NBPF14: variants seen among roughly 807,000 people sequenced by gnomAD.
NBPF14 encodes NBPF family member NBPF14.
In NBPF14, 104 loss-of-function variants were observed where a neutral mutation model predicts 91.2. The observed-to-expected ratio is 1.14, with a 90% CI of 0.97 to 1.34. NBPF14 has a LOEUF of 1.34. Ranked by LOEUF, NBPF14 falls within the 40% of genes most tolerant of loss-of-function variation. The pLI, the probability that NBPF14 is intolerant of heterozygous loss-of-function variation, is 0.00. For missense variants in NBPF14, 908 were observed against 783.0 expected (o/e 1.16, Z -1.91); for synonymous variants, 294 against 303.8 (o/e 0.97, Z 0.34).
At chr1:148,576,017 G>A (rs1659639740) in intron 16 of NBPF14, among the ~76,000 whole-genome samples, 2 of 147,826 alleles carry the variant, frequency 1.4e-5, no homozygotes, top group Admixed American at 1.3e-4. Context: ...GAGGGAGAGA[G>A]AGAGAGAGAG....
In NBPF14 at chr1:148,592,623, C is replaced by A. The variant is rs1454103895; in HGVS notation, c.422G>T (p.Gly141Val). Residue 141 changes from glycine to valine, a missense_variant, in exon 4 of 71, where the codon GGG becomes GTG. Gly to Val is a moderately radical substitution (Grantham distance 109, BLOSUM62 -3). Coordinates refer to ENST00000619423, the Ensembl canonical transcript of NBPF14. ...AGCCAGCTGTTCTTGGAGGTCCTGC[C>A]CCTGGGACTTGTCCGGCTCATACGG... is the stretch of plus-strand genomic sequence containing the variant. The A allele has an allele frequency of 2.9e-5, 46 of 1,580,938 alleles. 1 individual carries two copies. The East Asian group carries it at 8.9e-4, about 31-fold the overall frequency.
rs1474364088 is a variant in NBPF14 at position 148,539,260 on chromosome 1, A to G, written c.7882+150T>C. The G allele has an allele frequency of 2.0e-4, 121 of 604,724 alleles. No individual in the cohort carries two copies. The East Asian group carries it at 4.1e-3, about 21-fold the overall frequency. The allele number at this position is 604,724 out of a possible 1,614,324, so 37.5% of individuals were successfully genotyped here. A position where few individuals can be genotyped will look rare whatever the true frequency, so the allele number is the denominator to read the frequency against. Reference sequence around the variant, plus strand: ...TTTCATGTCTAGGCTTCCAACTGAGACTACAGTTTCTTTACAACCTATATG... The same window carrying G: ...TTTCATGTCTAGGCTTCCAACTGAGGCTACAGTTTCTTTACAACCTATATG... On this transcript the variant is annotated intron_variant, in intron 63 of 70. Transcript: ENST00000619423.
chr1:148,566,539 AC>A (rs1658402049), intron 28 of NBPF14, among the ~76,000 whole-genome samples: 8,051 of 121,414 alleles, frequency 0.066, 363 homozygotes, highest in Middle Eastern at 0.15. Flanking sequence ...ACACACACAC[AC>A]AAACACACAC....
chr1:148,566,502 A>C lies in NBPF14; in HGVS notation c.3543-187T>G. Among the ~76,000 whole-genome samples the C allele has an allele frequency of 2.6e-5, 3 of 115,870 alleles. 1 individual carries two copies. Among genetic ancestry groups the C allele is most frequent in the Admixed American group, 8.2e-5 (1 of 12,210 alleles). The allele number at this position is 115,870 out of a possible 152,430, so 76.0% of individuals were successfully genotyped here. On this transcript the variant is annotated intron_variant, in intron 28 of 70. Transcript: ENST00000619423. ...GCCAAATGGAAAAGAATGAAAGAGAAAGACAGACACACACACACACACACA... is the reference window on the plus strand; with the variant it reads ...GCCAAATGGAAAAGAATGAAAGAGACAGACAGACACACACACACACACACA...
chr1:148,557,125 G>C (rs1311157517), intron 40 of NBPF14, among the ~76,000 whole-genome samples: 5 of 123,656 alleles, frequency 4.0e-5, no homozygotes, highest in Non-Finnish European at 7.9e-5. Context: ...AATTGTCCAG[G>C]TGACACACTG....
intron 70 of NBPF14, 100 bp downstream of exon 70, chr1:148,533,761 C>A (rs1314555095): frequency 1.3e-5 from 10 of 761,276 alleles, no homozygotes; most frequent in Middle Eastern, 3.6e-4. Context: ...GTAATTCAGC[C>A]TTTGTTGAAA....
At chr1:148,593,922 G>A (rs1185187592) in intron 2 of NBPF14, among the ~76,000 whole-genome samples, 1 of 149,920 alleles carries the variant, frequency 6.7e-6, no homozygotes, top group East Asian at 1.9e-4. Context: ...GGCACATCAA[G>A]GAAGTTGACA....
exon 69 of NBPF14, chr1:148,534,699 C>T (rs1348454216): frequency 4.8e-6 from 4 of 831,724 alleles, no homozygotes; most frequent in Non-Finnish European, 8.4e-6. Context: ...ACGTCAAGAG[C>T]CAAGCCAAGG....
intron 2 of NBPF14, among the ~76,000 whole-genome samples, chr1:148,594,924 C>T (rs1228094794): frequency 1.8e-5 from 2 of 111,938 alleles, no homozygotes; most frequent in Non-Finnish European, 3.5e-5. Context: ...TCTCAAACTG[C>T]TGACCTCGTG....
At chr1:148,566,463 T>A in intron 28 of NBPF14, 148 bp from the exon 29 acceptor site, 1 of 600,200 alleles carries the variant, frequency 1.7e-6, no homozygotes, top group East Asian at 3.0e-5. Flanking sequence ...GCCTTCATGT[T>A]GGGACAGAAC....
intron 4 of NBPF14, 106 bp from the exon 5 acceptor site, chr1:148,591,610 G>C: frequency 2.1e-6 from 3 of 1,460,054 alleles, no homozygotes; most frequent in Non-Finnish European, 2.8e-6. Flanking sequence ...GTTCAGCATT[G>C]TACTGAAAAC....
intron 14 of NBPF14, among the ~76,000 whole-genome samples, 156 bp downstream of exon 14, chr1:148,577,827 A>G (rs1426003415): frequency 7.3e-6 from 1 of 137,382 alleles, no homozygotes; most frequent in African/African-American, 2.9e-5. Context: ...AAACCTAAAC[A>G]TTTACTCTAA....
At chr1:148,532,477 G>A (rs1257269306) in exon 71 of NBPF14, 1 of 151,404 alleles carries the variant, frequency 6.6e-6, no homozygotes, top group African/African-American at 2.5e-5. Flanking sequence ...CTAACCAAAG[G>A]AGTCTAGCGG....
chr1:148,557,079 C>G (rs1267596658), intron 40 of NBPF14, among the ~76,000 whole-genome samples: 1 of 125,322 alleles, frequency 8.0e-6, no homozygotes. Context: ...CACACACACA[C>G]ACACACACAG....
intron 20 of NBPF14, 115 bp from the exon 21 acceptor site, chr1:148,572,730 A>G (rs1659299821): frequency 5.0e-6 from 3 of 602,930 alleles, no homozygotes; most frequent in East Asian, 5.8e-5. Flanking sequence ...GGACAGATCC[A>G]TTAATGAGGT....
At chr1:148,569,147 C>T in intron 25 of NBPF14, 108 bp downstream of exon 25, 3 of 219,432 alleles carry the variant, frequency 1.4e-5, no homozygotes, top group Non-Finnish European at 2.1e-5. Flanking sequence ...ATAGTTCCTC[C>T]CTGTGGCAAT....
chr1:148,532,401 T>C (rs1171458005), exon 71 of NBPF14: 1 of 163,000 alleles, frequency 6.1e-6, no homozygotes, highest in African/African-American at 2.4e-5. Context: ...CCAATGCTGT[T>C]TGTCCATCTA....
At chr1:148,577,613 A>T (rs1348579069) in intron 14 of NBPF14, among the ~76,000 whole-genome samples, 1 of 149,734 alleles carries the variant, frequency 6.7e-6, no homozygotes, top group Non-Finnish European at 1.5e-5. Flanking sequence ...TCAATTGGTC[A>T]GGTGACACAC....
Position 148,533,334 on chromosome 1 carries a change from A to T in NBPF14, c.8724-86T>A, listed in dbSNP as rs1224043698. On this transcript the variant is annotated intron_variant, in intron 70 of 70. Transcript: ENST00000619423. Reference sequence around the variant, plus strand: ...GCTAGATTTCAGAAGCAACATAAGGAAGTGGTTAGAAAAGAAAAAGGATAG... The same window carrying T: ...GCTAGATTTCAGAAGCAACATAAGGTAGTGGTTAGAAAAGAAAAAGGATAG... The T allele has an allele frequency of 1.4e-5, 7 of 486,892 alleles. 1 individual carries two copies. The highest frequency in any genetic ancestry group is 1.2e-4 in the Admixed American group (3 of 24,550). 30.2% of individuals were successfully genotyped at this position (486,892 alleles called of 1,614,324 possible). A position where few individuals can be genotyped will look rare whatever the true frequency, so the allele number is the denominator to read the frequency against.
Sources: allele counts gnomAD v4.1 joint callset (sites outside exome capture counted in the v4.1 genomes callset), GRCh38; gene constraint gnomAD v4.1.1; transcripts MANE v1.5; gene names NCBI Gene and HGNC (gene_info 2026-07-23, HGNC 2026-07-21).